Variants in PTPRO observed in about 807,000 individuals in gnomAD.
PTPRO encodes protein tyrosine phosphatase receptor type O, also known as receptor-type tyrosine-protein phosphatase O.
Under a neutral mutation model 145.2 loss-of-function variants are expected in PTPRO, and 62 were observed. The observed-to-expected ratio is 0.43, with a 90% CI of 0.35 to 0.53. The LOEUF is 0.53. Ranked by LOEUF, PTPRO falls within the 20% of genes least tolerant of loss-of-function variation. The probability of loss-of-function intolerance (pLI) is 0.01; values close to 1 mark genes in which losing one functional copy is unlikely to be tolerated. For synonymous variants in PTPRO, 565 were observed against 514.7 expected (o/e 1.10, Z -1.32); for missense variants, 1,345 against 1,482.7 (o/e 0.91, Z 1.53).
At chr12:15,563,249 T>C (rs1472045673) in intron 17 of PTPRO, among the ~76,000 whole-genome samples, 1 of 152,096 alleles carries the variant, frequency 6.6e-6, no homozygotes, top group Non-Finnish European at 1.5e-5. Context: ...ATTTATTGAT[T>C]TGGAAAATCT....
intron 1 of PTPRO, among the ~76,000 whole-genome samples, chr12:15,442,892 G>A (rs1340100576): frequency 3.9e-5 from 6 of 151,974 alleles, no homozygotes; most frequent in African/African-American, 1.4e-4. Context: ...AATTGGCCAT[G>A]CTGCCCAAAG....
Position 15,524,689 on chromosome 12 carries a change from G to A in PTPRO, c.1892-125G>A, listed in dbSNP as rs111358531. 2.2e-4 allele frequency: 227 copies of A among 1,025,350 alleles called. No individual in the cohort carries two copies. In the African/African-American group the frequency reaches 2.8e-3, roughly 13 times the overall value. 63.5% of individuals were successfully genotyped at this position (1,025,350 alleles called of 1,614,324 possible). A position where few individuals can be genotyped will look rare whatever the true frequency, so the allele number is the denominator to read the frequency against. ...GTTATTGAGAGGTCCTGAAGTTACC[G>A]GGACTATCGTGTGCTGTGAATTCTA... On this transcript the variant is annotated intron_variant, in intron 10 of 26. Transcript: ENST00000281171.
At chr12:15,541,422 A>G (rs1176284727) in intron 12 of PTPRO, among the ~76,000 whole-genome samples, 1 of 152,202 alleles carries the variant, frequency 6.6e-6, no homozygotes, top group Non-Finnish European at 1.5e-5. Context: ...GAATAGTAAG[A>G]GACTGTATTA....
intron 24 of PTPRO, among the ~76,000 whole-genome samples, chr12:15,587,626 T>TA (rs984491277): frequency 6.6e-6 from 1 of 152,172 alleles, no homozygotes; most frequent in African/African-American, 2.4e-5. Context: ...ATATAGGATA[T>TA]AAAAAAATCA....
At chr12:15,535,421 G>GAAAACAAAAC (rs112250290) in intron 12 of PTPRO, among the ~76,000 whole-genome samples, 3 of 152,004 alleles carry the variant, frequency 2.0e-5, no homozygotes, top group African/African-American at 7.3e-5. Context: ...GGAGGTCAGA[G>GAAAACAAAAC]AAAACAAAAC....
chr12:15,368,950 C>A (rs748991892), intron 1 of PTPRO, among the ~76,000 whole-genome samples: 1 of 152,166 alleles, frequency 6.6e-6, no homozygotes, highest in Non-Finnish European at 1.5e-5. Context: ...GAGCAACTCC[C>A]GTGGGGGCTG....
chr12:15,555,081 CA>C (rs35126004), intron 15 of PTPRO, among the ~76,000 whole-genome samples: 148,294 of 151,918 alleles, frequency 0.98, 72,511 homozygotes, highest in East Asian at 1. Context: ...ACTAAAAATA[CA>C]AAAAAATTAG....
intron 1 of PTPRO, among the ~76,000 whole-genome samples, chr12:15,456,834 A>G (rs1941189907): frequency 6.6e-6 from 1 of 151,914 alleles, no homozygotes; most frequent in Admixed American, 6.6e-5. Flanking sequence ...ATTTATTTGT[A>G]TTCTCTCTTT....
rs1297170751 is a variant in PTPRO at position 15,382,343 on chromosome 12, T to C, written c.75+59542T>C. Reference sequence around the variant, plus strand: ...ATTGATCTGCTAGTTCCCATCTCCTTAAGTTCAAAGATTCACCTCGAGGGA... The same window carrying C: ...ATTGATCTGCTAGTTCCCATCTCCTCAAGTTCAAAGATTCACCTCGAGGGA... On this transcript the variant is annotated intron_variant, in intron 1 of 26. Transcript: ENST00000281171. Among the ~76,000 whole-genome samples, 7 of 152,120 alleles carry C rather than the reference T, an allele frequency of 4.6e-5. No individual in the cohort carries two copies. The East Asian group carries it at 1.3e-3, about 29-fold the overall frequency.
At chr12:15,472,653 G>A (rs1323665460) in intron 1 of PTPRO, among the ~76,000 whole-genome samples, 5 of 152,144 alleles carry the variant, frequency 3.3e-5, no homozygotes, top group Non-Finnish European at 4.4e-5. Context: ...CTACATGTCC[G>A]TGGCACTGAA....
chr12:15,412,863 G>T (rs949474061), intron 1 of PTPRO, among the ~76,000 whole-genome samples: 1 of 152,056 alleles, frequency 6.6e-6, no homozygotes. Flanking sequence ...ACGCAATCTC[G>T]TCTCACTACA....
chr12:15,379,675 C>G (rs774277956), intron 1 of PTPRO, among the ~76,000 whole-genome samples: 1 of 151,830 alleles, frequency 6.6e-6, no homozygotes, highest in African/African-American at 2.4e-5. Context: ...TCAAGGATGC[C>G]AATCACAAAA....
At chr12:15,374,785 C>G (rs1326669750) in intron 1 of PTPRO, among the ~76,000 whole-genome samples, 1 of 152,240 alleles carries the variant, frequency 6.6e-6, no homozygotes, top group Admixed American at 6.5e-5. Flanking sequence ...AAAAGGAAGA[C>G]CTGCCAATGA....
chr12:15,484,967 C>G (rs987968210), intron 2 of PTPRO, among the ~76,000 whole-genome samples: 4 of 152,082 alleles, frequency 2.6e-5, no homozygotes, highest in Non-Finnish European at 5.9e-5. Flanking sequence ...AAACTGATAT[C>G]TGTAAGACAG....
chr12:15,495,490 A>T (rs113620683), intron 2 of PTPRO, among the ~76,000 whole-genome samples: 2 of 151,718 alleles, frequency 1.3e-5, no homozygotes, highest in Non-Finnish European at 2.9e-5. Context: ...AACTAAGGAC[A>T]TTTCTTTAGG....
At chr12:15,401,959 G>A (rs767633614) in intron 1 of PTPRO, among the ~76,000 whole-genome samples, 3 of 152,186 alleles carry the variant, frequency 2.0e-5, no homozygotes, top group Non-Finnish European at 4.4e-5. Flanking sequence ...ATTTCAATAT[G>A]AAGTAGAAGA....
rs199991892 is a variant in PTPRO, at chr12:15,501,921, C to T, written c.963C>T (p.Tyr321=). 215 of 1,613,912 alleles carry T rather than the reference C, an allele frequency of 1.3e-4. No homozygotes were observed. Among genetic ancestry groups the T allele is most frequent in the Non-Finnish European group, 1.7e-4 (205 of 1,179,990 alleles). ...DEFVSVLPME[Y]ENNSTLSETE... Reference sequence around the variant, plus strand: ...TTGTCAGCGTACTTCCCATGGAATACGAAAATAACAGTACACTCAGTGAGA... The same window carrying T: ...TTGTCAGCGTACTTCCCATGGAATATGAAAATAACAGTACACTCAGTGAGA... The change falls in exon 5 of 27, where the codon TAC becomes TAT. Residue 321 remains tyrosine, a synonymous_variant. Coordinates refer to ENST00000281171, the MANE Select transcript of PTPRO (RefSeq NM_030667.3).
chr12:15,381,941 A>G (rs1392704240), intron 1 of PTPRO, among the ~76,000 whole-genome samples: 1 of 152,048 alleles, frequency 6.6e-6, no homozygotes, highest in Non-Finnish European at 1.5e-5. Context: ...ATAGAGATAT[A>G]CCTAACAATA....
intron 1 of PTPRO, among the ~76,000 whole-genome samples, chr12:15,464,573 C>T (rs1941376108): frequency 6.6e-6 from 1 of 151,442 alleles, no homozygotes; most frequent in African/African-American, 2.4e-5. Context: ...CCATCTTGGC[C>T]AGGCAGGTCT....
Sources: gnomAD v4.1 joint callset for allele counts (sites outside exome capture counted in the v4.1 genomes callset) on GRCh38, gnomAD v4.1.1 for gene constraint, MANE v1.5 for transcripts, NCBI Gene and HGNC (gene_info 2026-07-23, HGNC 2026-07-21) for gene names.